Variants in KDM3A observed in about 807,000 individuals in gnomAD.
KDM3A encodes lysine demethylase 3A, also known as lysine-specific demethylase 3A.
In KDM3A, 60 loss-of-function variants were observed where a neutral mutation model predicts 158.0. The observed-to-expected ratio is 0.38, with a 90% CI of 0.31 to 0.47. The LOEUF (loss-of-function observed/expected upper bound fraction) is 0.47. Ranked by LOEUF, KDM3A falls within the 20% of genes least tolerant of loss-of-function variation. KDM3A has a pLI of 0.99. For synonymous variants in KDM3A, 608 were observed against 549.3 expected, an observed-to-expected ratio of 1.11 and a Z score of -1.49; for missense variants, 1,319 against 1,574.3, an observed-to-expected ratio of 0.84 and a Z score of 2.74.
chr2:86,471,335 A>T (rs1673397243), intron 11 of KDM3A, among the ~76,000 whole-genome samples: 1 of 151,014 alleles, frequency 6.6e-6, no homozygotes, highest in African/African-American at 2.4e-5. Context: ...GTATGTGTGT[A>T]TATATGTATA....
chr2:86,455,106 T>C lies in KDM3A; in HGVS notation c.475T>C (p.Ser159Pro). ...TCAGGATGTAAACAGTCTTCGACTT[T>C]CTCTTACGGATAATCAGATTGTCAG... The part of the protein sequence containing the change: ...PIQDVNSLRL[S>P]LTDNQIVSKE... The change falls in exon 5 of 26, where the codon TCT becomes CCT. Residue 159 changes from serine (S) to proline (P), a missense_variant. Ser to Pro is a moderately conservative substitution (Grantham distance 74, BLOSUM62 -1). This residue lies in a region of KDM3A where 652 missense variants were observed against 627.2 expected (regional missense o/e 1.04). Coordinates refer to ENST00000312912, the MANE Select transcript of KDM3A (RefSeq NM_018433.6). 1 of 1,596,456 alleles carries C rather than the reference T, an allele frequency of 6.3e-7. No individual in the cohort carries two copies. Among genetic ancestry groups the C allele is most frequent in the Non-Finnish European group, 8.5e-7 (1 of 1,172,100 alleles).
upstream of KDM3A, among the ~76,000 whole-genome samples, chr2:86,438,799 T>C (rs939263601): frequency 1.1e-4 from 17 of 152,042 alleles, no homozygotes; most frequent in African/African-American, 3.9e-4. Context: ...ATATATACTG[T>C]TGTTTTTGTA....
intron 8 of KDM3A, among the ~76,000 whole-genome samples, chr2:86,463,604 G>T (rs1673012148): frequency 6.6e-6 from 1 of 152,170 alleles, no homozygotes. Flanking sequence ...TACCAAATAG[G>T]CATCCCTGCC....
At position 86,441,987 on chromosome 2, in the gene KDM3A, C is replaced by G. The variant is rs1012982881; in HGVS notation, c.-30-31C>G. The G allele has an allele frequency of 1.5e-4, 240 of 1,585,484 alleles. 1 individual carries two copies. Among genetic ancestry groups the G allele is most frequent in the South Asian group, 2.4e-4 (22 of 90,172 alleles). ...GCCCGGCCCCCTCCCACCGGCCGCC[C>G]CCGTCGCATTTTGTTTTTGTGTTTT... On this transcript the variant is annotated intron_variant, in intron 1 of 25. Transcript: ENST00000312912.
At position 86,451,175 on chromosome 2, in the gene KDM3A, A is replaced by G; in HGVS notation, c.415A>G (p.Arg139Gly). ...TGTTCGCTTTCTGGGAGATCAACAA[A>G]GAGTATTTCTTTCTAAAGACCTTTT... Reference protein sequence around the residue: ...TSVRFLGDQQRVFLSKDLLKP... With the variant: ...TSVRFLGDQQGVFLSKDLLKP... The change falls in exon 4 of 26, where the codon AGA (arginine) becomes GGA (glycine). Residue 139 changes from arginine to glycine, a missense_variant. By Grantham distance (125) the Arg-to-Gly change is moderately radical. Around this residue, in one of 4 missense-constraint regions of KDM3A, gnomAD observed 652 missense variants for 627.2 expected, o/e 1.04. Coordinates refer to ENST00000312912, the MANE Select transcript of KDM3A (RefSeq NM_018433.6). 1.2e-6 allele frequency: 2 copies of G among 1,611,770 alleles called. No homozygotes were observed. Among genetic ancestry groups the G allele is most frequent in the Non-Finnish European group, 1.7e-6 (2 of 1,179,212 alleles).
At chr2:86,491,739 GA>G in intron 25 of KDM3A, 5 of 359,242 alleles carry the variant, frequency 1.4e-5, no homozygotes, top group Non-Finnish European at 2.0e-5. Context: ...GAAAATAAGG[GA>G]AAAATGATAA....
At chr2:86,490,296 C>T (rs1327499668) in intron 23 of KDM3A, 1 of 152,696 alleles carries the variant, frequency 6.5e-6, no homozygotes, top group Non-Finnish European at 1.5e-5. Context: ...ATTCATGAGT[C>T]TTGGATATGA....
At chr2:86,490,773 TGAA>T in intron 23 of KDM3A, 105 bp from the exon 24 acceptor site, 1 of 739,398 alleles carries the variant, frequency 1.4e-6, no homozygotes, top group Non-Finnish European at 2.2e-6. Context: ...GCACTTAAGT[TGAA>T]GAAGGCCTGA....
rs1444817828 is a variant in KDM3A, at chr2:86,491,115, CTGATA to C, written c.3751-24_3751-20del. ...ATGTCATGAACTTTTGGGTTTGTTA[CTGATA>C]TATTACTTGGTGTTTTTCAGGTTCA... On this transcript the variant is annotated intron_variant, in intron 24 of 25. Coordinates refer to ENST00000312912, the MANE Select transcript of KDM3A (RefSeq NM_018433.6). The C allele has an allele frequency of 2.5e-6, 4 of 1,613,360 alleles. No homozygotes were observed. In the African/African-American group the frequency reaches 5.3e-5, roughly 22 times the overall value.
chr2:86,484,806 T>G, intron 19 of KDM3A, 136 bp from the exon 20 acceptor site: 1 of 557,086 alleles, frequency 1.8e-6, no homozygotes, highest in Non-Finnish European at 3.2e-6. Context: ...ATTTGTATAC[T>G]AAATTTATCA....
rs1228216969 is a variant in KDM3A, at chr2:86,492,349, A to C, written c.*230A>C. On this transcript the variant is annotated 3_prime_UTR_variant, in exon 26 of 26. Coordinates refer to ENST00000312912, the MANE Select transcript of KDM3A (RefSeq NM_018433.6). Reference sequence around the variant, plus strand: ...AACTGTGACTTCTCACCTAGTGCAGAACTTTTACCAGGCTGTAAAAGCAAA... The same window carrying C: ...AACTGTGACTTCTCACCTAGTGCAGCACTTTTACCAGGCTGTAAAAGCAAA... 2 of 453,544 alleles carry C rather than the reference A, an allele frequency of 4.4e-6. No individual in the cohort carries two copies. The highest frequency in any genetic ancestry group is 7.9e-6 in the Non-Finnish European group (2 of 253,140). 28.1% of individuals were successfully genotyped at this position (453,544 alleles called of 1,614,324 possible).
chr2:86,489,625 A>G lies in KDM3A; in HGVS notation c.3539A>G (p.Lys1180Arg). The change falls in exon 23 of 26, where the codon AAG (lysine) becomes AGG (arginine). Residue 1180 changes from lysine to arginine, a missense_variant. Around this residue, in one of 4 missense-constraint regions of KDM3A, gnomAD observed 186 missense variants for 340.9 expected, o/e 0.55. Transcript: ENST00000312912. ...PGALWHIYAA[K>R]DTEKIREFLK... ...GCACTGTGGCACATATATGCTGCAAAGGACACGGAGAAGATAAGGGAATTT... is the reference window on the plus strand; with the variant it reads ...GCACTGTGGCACATATATGCTGCAAGGGACACGGAGAAGATAAGGGAATTT... 2 of 1,613,240 alleles carry G rather than the reference A, an allele frequency of 1.2e-6. No homozygotes were observed. Among genetic ancestry groups the G allele is most frequent in the South Asian group, 1.1e-5 (1 of 91,012 alleles).
At chr2:86,452,235 C>T (rs1448770029) in intron 4 of KDM3A, among the ~76,000 whole-genome samples, 2 of 150,744 alleles carry the variant, frequency 1.3e-5, no homozygotes, top group East Asian at 1.9e-4. Flanking sequence ...TTAAAATGGC[C>T]CCCAAAAGCA....
In KDM3A at chr2:86,459,442, T is replaced by C. The variant is rs145687870; in HGVS notation, c.843+2371T>C. 5.1e-3 allele frequency among the ~76,000 whole-genome samples: 783 copies of C among 152,206 alleles called. 7 individuals are homozygous for C. The highest frequency in any genetic ancestry group is 0.017 in the African/African-American group (721 of 41,512). ...GAAGTTGGTTGTGTGTTGCCTGTCA[T>C]GGGGAATGTGTCAGTGTAAATTGGG... On this transcript the variant is annotated intron_variant, in intron 8 of 25. Coordinates refer to ENST00000312912, the MANE Select transcript of KDM3A (RefSeq NM_018433.6).
intron 4 of KDM3A, 40 bp from the exon 5 acceptor site, chr2:86,455,040 TTATTA>T (rs1672628823): frequency 8.8e-7 from 1 of 1,132,660 alleles, no homozygotes; most frequent in Non-Finnish European, 1.3e-6. Context: ...ATAACTCTTC[TTATTA>T]ACTGTTACCC....
At chr2:86,469,539 C>T (rs899826954) in intron 10 of KDM3A, among the ~76,000 whole-genome samples, 1 of 152,144 alleles carries the variant, frequency 6.6e-6, no homozygotes, top group Non-Finnish European at 1.5e-5. Flanking sequence ...AATTCTCCGG[C>T]CTATTACAAG....
chr2:86,492,039 G>A lies in KDM3A; in HGVS notation c.3886G>A (p.Val1296Met), dbSNP rs1404131238. The part of the protein sequence containing the change: ...THTNHEDKLQ[V>M]KNVIYHAVKD... ...CCATATTTTCTCCTACTATTTTTAG[G>A]TGAAGAATGTTATCTACCATGCAGT... Residue 1296 changes from valine to methionine, a missense_variant and splice_region_variant, in exon 26 of 26, where the codon GTG (valine) becomes ATG (methionine). This residue lies in a region of KDM3A where 186 missense variants were observed against 340.9 expected (regional missense o/e 0.55). Transcript: ENST00000312912. The A allele has an allele frequency of 6.2e-7, 1 of 1,607,304 alleles. No individual in the cohort carries two copies.
At chr2:86,441,471 G>A (rs1486842795) in intron 1 of KDM3A, 27 bp downstream of exon 1, 1 of 150,668 alleles carries the variant, frequency 6.6e-6, no homozygotes, top group Non-Finnish European at 1.5e-5. Context: ...CTCGGCTGCG[G>A]GGAGAGGGGA....
At chr2:86,446,282 AGT>A (rs1280958781) in intron 2 of KDM3A, among the ~76,000 whole-genome samples, 1 of 152,236 alleles carries the variant, frequency 6.6e-6, no homozygotes, top group Non-Finnish European at 1.5e-5. Flanking sequence ...GAAGCCACAC[AGT>A]GTAAGTCACA....
Sources: allele counts gnomAD v4.1 joint callset (sites outside exome capture counted in the v4.1 genomes callset), GRCh38; gene constraint gnomAD v4.1.1; regional missense constraint gnomAD v4.1.1; transcripts MANE v1.5; gene names NCBI Gene and HGNC (gene_info 2026-07-23, HGNC 2026-07-21).